The following TBRG4 variants were observed in gnomAD, a reference collection of about 807,000 sequenced individuals.
The protein encoded by TBRG4 is transforming growth factor beta regulator 4.
Under a neutral mutation model 65.6 loss-of-function variants are expected in TBRG4, and 43 were observed. The observed-to-expected ratio is 0.66, with a 90% CI of 0.51 to 0.85. The LOEUF (loss-of-function observed/expected upper bound fraction) is 0.85. Ranked by LOEUF, TBRG4 falls within the 40% of genes least tolerant of loss-of-function variation. The probability of loss-of-function intolerance (pLI) is 0.00; values close to 1 mark genes in which losing one functional copy is unlikely to be tolerated. For missense variants in TBRG4, 709 were observed against 787.9 expected, an observed-to-expected ratio of 0.90 and a Z score of 1.20; for synonymous variants, 366 against 341.4, an observed-to-expected ratio of 1.07 and a Z score of -0.79.
chr7:45,109,260 C>T lies in TBRG4; in HGVS notation c.-23G>A. The T allele has an allele frequency of 6.5e-7, 1 of 1,549,298 alleles. No homozygotes were observed. The highest frequency in any genetic ancestry group is 8.7e-7 in the Non-Finnish European group (1 of 1,150,060). ...CATGATGTCCTGGGTGGCAGAGAGA[C>T]AAGACTCCTAGCAAGTGATTCCAAA... is the stretch of plus-strand genomic sequence containing the variant. On this transcript the variant is annotated 5_prime_UTR_variant, in exon 2 of 11. Coordinates refer to ENST00000258770, the MANE Select transcript of TBRG4 (RefSeq NM_004749.4).
intron 2 of TBRG4, among the ~76,000 whole-genome samples, chr7:45,108,439 ATCAG>A (rs747800269): frequency 1.6e-4 from 25 of 152,248 alleles, no homozygotes; most frequent in Non-Finnish European, 3.4e-4. Flanking sequence ...AGGACCTTCC[ATCAG>A]TCATGCTGCA....
Position 45,100,494 on chromosome 7 carries a change from C to T in TBRG4, c.1795-68G>A, listed in dbSNP as rs1000204655. 1.5e-5 allele frequency: 20 copies of T among 1,301,534 alleles called. No individual in the cohort carries two copies. In the African/African-American group the frequency reaches 2.8e-4, roughly 18 times the overall value. The allele number at this position is 1,301,534 out of a possible 1,614,324, so 80.6% of individuals were successfully genotyped here. On this transcript the variant is annotated intron_variant, in intron 10 of 10. Transcript: ENST00000258770. ...CCCTTCCAGCCAGTGGCTCTGCCTG[C>T]TTGCCTGCTGTCCTCACATTGACCC...
intron 2 of TBRG4, 66 bp from the exon 3 acceptor site, chr7:45,105,830 T>C: frequency 6.6e-7 from 1 of 1,523,944 alleles, no homozygotes; most frequent in Non-Finnish European, 8.9e-7. Flanking sequence ...AGCTGGAGGC[T>C]ACCTCTCTGA....
At chr7:45,109,363 C>CA in intron 1 of TBRG4, 76 bp from the exon 2 acceptor site, 23 of 1,169,926 alleles carry the variant, frequency 2.0e-5, no homozygotes, top group Non-Finnish European at 2.3e-5. Flanking sequence ...ATGAAATAGT[C>CA]AAAGCCACTC....
At chr7:45,110,940 C>G (rs187872377) in intron 1 of TBRG4, 66 of 152,158 alleles carry the variant, frequency 4.3e-4, no homozygotes, top group African/African-American at 1.6e-3. Context: ...AACGCAACAT[C>G]TACCACTTCC....
At chr7:45,100,455 A>G (rs768481334) in intron 10 of TBRG4, 29 bp from the exon 11 acceptor site, 3 of 1,576,216 alleles carry the variant, frequency 1.9e-6, no homozygotes, top group Non-Finnish European at 2.6e-6. Flanking sequence ...GACAGGTCAC[A>G]TGGGCAAGGA....
At chr7:45,103,221 T>C (rs1414092440) in intron 6 of TBRG4, 112 bp downstream of exon 6, 12 of 776,690 alleles carry the variant, frequency 1.5e-5, no homozygotes, top group Non-Finnish European at 2.2e-5. Flanking sequence ...ATGCCACACA[T>C]AGTGGCCCCT....
At chr7:45,102,239 GGGGA>G (rs758799141) in intron 7 of TBRG4, 104 bp downstream of exon 7, 2 of 1,561,988 alleles carry the variant, frequency 1.3e-6, no homozygotes, top group South Asian at 1.2e-5. Context: ...GGAGAGCGAG[GGGGA>G]GGGAGAGCCC....
Position 45,104,210 on chromosome 7 carries a change from G to A in TBRG4, c.954C>T (p.Thr318=), listed in dbSNP as rs144224340. 23 of 1,614,130 alleles carry A rather than the reference G, an allele frequency of 1.4e-5. No individual in the cohort carries two copies. Among genetic ancestry groups the A allele is most frequent in the African/African-American group, 8.0e-5 (6 of 75,048 alleles). Residue 318 remains threonine, a synonymous_variant, in exon 5 of 11, where the codon ACC becomes ACT. Transcript: ENST00000258770. ...HQTQVSQRLA[T]DLLSLMPSLT... ...GGCTGGGCATGAGGGATAGCAGGTC[G>A]GTGGCCAGGCGCTGGGACACCTGGG... is the stretch of plus-strand genomic sequence containing the variant.
chr7:45,111,647 C>G lies in TBRG4; in HGVS notation c.-55G>C, dbSNP rs1370738891. The G allele has an allele frequency of 1.2e-5, 16 of 1,289,344 alleles. No individual in the cohort carries two copies. Among genetic ancestry groups the G allele is most frequent in the African/African-American group, 1.5e-5 (1 of 65,870 alleles). The allele number at this position is 1,289,344 out of a possible 1,614,324, so 79.9% of individuals were successfully genotyped here. On this transcript the variant is annotated 5_prime_UTR_variant, in exon 1 of 11. Transcript: ENST00000258770. ...TCCCCGTGCCACAAGACCTACGCAG[C>G]GAGCACCACCGCTGACCTCCATCCG...
intron 3 of TBRG4, 43 bp downstream of exon 3, chr7:45,105,394 AGCCC>A: frequency 1.3e-6 from 2 of 1,547,280 alleles, no homozygotes; most frequent in Non-Finnish European, 1.7e-6. Flanking sequence ...ACAAGCCCAA[AGCCC>A]AGGGGAGGCA....
intron 6 of TBRG4, 68 bp downstream of exon 6, chr7:45,103,265 G>T: frequency 7.5e-7 from 1 of 1,324,624 alleles, no homozygotes; most frequent in South Asian, 1.2e-5. Flanking sequence ...GATCTTGGGA[G>T]GACGGTTCAT....
chr7:45,102,241 G>A (rs1483638670), intron 7 of TBRG4, 106 bp downstream of exon 7: 2 of 1,561,464 alleles, frequency 1.3e-6, no homozygotes, highest in African/African-American at 1.3e-5. Context: ...AGAGCGAGGG[G>A]GAGGGAGAGC....
intron 5 of TBRG4, 173 bp from the exon 6 acceptor site, chr7:45,103,616 A>T: frequency 1.7e-6 from 1 of 597,128 alleles, no homozygotes. Flanking sequence ...ACAGGCCCAG[A>T]CACTCCTTCG....
chr7:45,104,794 C>T lies in TBRG4; in HGVS notation c.736-85G>A, dbSNP rs527616648. On this transcript the variant is annotated intron_variant, in intron 3 of 10. Transcript: ENST00000258770. ...GGGGCAGGGGTCCCATGGTCCCATC[C>T]AGTGCAGCCCCTGTGACAGCCCCTG... The T allele has an allele frequency of 1.9e-6, 3 of 1,563,760 alleles. No homozygotes were observed. In the African/African-American group the frequency reaches 4.0e-5, roughly 21 times the overall value.
At position 45,100,310 on chromosome 7, in the gene TBRG4, T is replaced by C. The variant is rs755415028; in HGVS notation, c.*15A>G. 1.7e-5 allele frequency: 28 copies of C among 1,611,952 alleles called. No homozygotes were observed. The highest frequency in any genetic ancestry group is 3.3e-5 in the South Asian group (3 of 91,004). The stretch of plus-strand genomic sequence containing the variant: ...CTCCGGCGGAGAGGCACGCAGTCCA[T>C]GCTGCTGGCACAAGTCACTTGGCCA... On this transcript the variant is annotated 3_prime_UTR_variant, in exon 11 of 11. Transcript: ENST00000258770.
intron 1 of TBRG4, 147 bp downstream of exon 1, chr7:45,111,496 C>T: frequency 1.0e-6 from 1 of 993,064 alleles, no homozygotes; most frequent in Non-Finnish European, 1.4e-6. Flanking sequence ...CAGCACGGAA[C>T]GAGCAGACGG....
chr7:45,103,220 A>C, intron 6 of TBRG4, 113 bp downstream of exon 6: 8 of 795,656 alleles, frequency 1.0e-5, no homozygotes, highest in African/African-American at 1.7e-5. Context: ...CATGCCACAC[A>C]TAGTGGCCCC....
chr7:45,103,130 C>G, intron 6 of TBRG4: 2 of 595,346 alleles, frequency 3.4e-6, no homozygotes, highest in Non-Finnish European at 6.0e-6. Context: ...CCTGGCAGGG[C>G]AGTCAACCAG....
Sources: gnomAD v4.1 joint callset for allele counts (sites outside exome capture counted in the v4.1 genomes callset) on GRCh38, gnomAD v4.1.1 for gene constraint, MANE v1.5 for transcripts, NCBI Gene and HGNC (gene_info 2026-07-23, HGNC 2026-07-21) for gene names.